TFAP2B: variants seen among roughly 807,000 people sequenced by gnomAD.
The protein encoded by TFAP2B is transcription factor AP-2 beta.
A neutral mutation model predicts 44.3 loss-of-function variants in TFAP2B; 9 were observed. The observed-to-expected ratio is 0.20, with a 90% CI of 0.12 to 0.35. The LOEUF (loss-of-function observed/expected upper bound fraction) is 0.35. TFAP2B is among the 10% of genes least tolerant of loss of function. The pLI is 1.00. For missense variants in TFAP2B, 509 were observed against 600.0 expected (o/e 0.85, Z 1.59); for synonymous variants, 270 against 263.8 (o/e 1.02, Z -0.23).
rs1053775895 is a variant in TFAP2B at position 50,845,574 on chromosome 6, C to T, written c.*2182C>T. 2.6e-5 allele frequency: 4 copies of T among 152,774 alleles called. No homozygotes were observed. Among genetic ancestry groups the T allele is most frequent in the African/African-American group, 9.6e-5 (4 of 41,474 alleles). The allele number at this position is 152,774 out of a possible 1,614,324, so 9.5% of individuals were successfully genotyped here. On this transcript the variant is annotated 3_prime_UTR_variant, in exon 7 of 7. Coordinates refer to ENST00000393655, the MANE Select transcript of TFAP2B (RefSeq NM_003221.4). ...AGCTAGACGTTACGGAGAGTGTAGT[C>T]ACTCTCTTTTCCCAGCTCAGAGGCC...
At chr6:50,821,072 A>G (rs1770330659) in intron 1 of TFAP2B, among the ~76,000 whole-genome samples, 1 of 152,226 alleles carries the variant, frequency 6.6e-6, no homozygotes, top group Non-Finnish European at 1.5e-5. Flanking sequence ...ACTAAGGTTG[A>G]ACTTTAACAG....
chr6:50,842,382 G>A (rs1001039192), intron 6 of TFAP2B, among the ~76,000 whole-genome samples: 4 of 152,160 alleles, frequency 2.6e-5, no homozygotes, highest in African/African-American at 9.7e-5. Flanking sequence ...ATCCTCCCTA[G>A]TGTCTTAACA....
chr6:50,830,154 C>CT, intron 3 of TFAP2B: 1 of 258,454 alleles, frequency 3.9e-6, no homozygotes, highest in Non-Finnish European at 6.0e-6. Flanking sequence ...TCTCCATTGG[C>CT]TTTTTTCAGT....
At chr6:50,819,597 C>T (rs2857527) in intron 1 of TFAP2B, among the ~76,000 whole-genome samples, 6,819 of 152,300 alleles carry the variant, frequency 0.045, 488 homozygotes, top group African/African-American at 0.15. Flanking sequence ...ATCGCAGCCG[C>T]CTCCTGTGTG....
intron 1 of TFAP2B, among the ~76,000 whole-genome samples, chr6:50,819,844 G>A (rs1199691850): frequency 0.011 from 1,306 of 114,212 alleles, 14 homozygotes; most frequent in African/African-American, 0.041. Context: ...GCCGAGGCGG[G>A]CGAGGTGGGA....
chr6:50,822,185 A>C, intron 1 of TFAP2B: 1 of 1,302,198 alleles, frequency 7.7e-7, no homozygotes, highest in Non-Finnish European at 1.0e-6. Context: ...ACGTGTTACC[A>C]GAATTGCATG....
At position 50,823,837 on chromosome 6, in the gene TFAP2B, T is replaced by C. The variant is rs1770429371; in HGVS notation, c.512T>C (p.Leu171Pro). Residue 171 changes from leucine to proline, a missense_variant, in exon 2 of 7, where the codon CTC becomes CCC. This residue lies in a region of TFAP2B where 296 missense variants were observed against 308.2 expected (regional missense o/e 0.96). Transcript: ENST00000393655. ...GMGDSLSLHG[L>P]GHPGMEDVQS... ...GGTGACAGCCTCTCGCTGCACGGCC[T>C]CGGCCATCCCGGAATGGAAGACGTC... 4 of 1,562,104 alleles carry C rather than the reference T, an allele frequency of 2.6e-6. No homozygotes were observed. The highest frequency in any genetic ancestry group is 3.5e-6 in the Non-Finnish European group (4 of 1,154,424).
chr6:50,822,432 T>G (rs1222483034), intron 1 of TFAP2B, among the ~76,000 whole-genome samples: 1 of 152,112 alleles, frequency 6.6e-6, no homozygotes, highest in East Asian at 1.9e-4. Flanking sequence ...TGTTTGGAAA[T>G]TTAGGTGACT....
intron 3 of TFAP2B, among the ~76,000 whole-genome samples, chr6:50,834,572 A>G (rs1281566289): frequency 5.9e-5 from 9 of 152,238 alleles, no homozygotes; most frequent in South Asian, 4.1e-4. Context: ...CTAAACAACT[A>G]TGGAGGTTTG....
rs139093149 is a variant in TFAP2B, at chr6:50,836,518, G to A, written c.821+238G>A. Among the ~76,000 whole-genome samples the A allele has an allele frequency of 5.2e-3, 786 of 152,262 alleles. 5 individuals carry two copies. Among genetic ancestry groups the A allele is most frequent in the South Asian group, 0.012 (58 of 4,826 alleles). On this transcript the variant is annotated intron_variant, in intron 4 of 6. Coordinates refer to ENST00000393655, the MANE Select transcript of TFAP2B (RefSeq NM_003221.4). ...TTGCATCCAGGCCTGCCCGCGCCGC[G>A]CAAGTCCTACCGCAGATTTTGCCGC...
chr6:50,822,407 T>A (rs1770378738), intron 1 of TFAP2B, among the ~76,000 whole-genome samples: 1 of 152,186 alleles, frequency 6.6e-6, no homozygotes, highest in Non-Finnish European at 1.5e-5. Context: ...AGAAAAACTT[T>A]TTATTTGCCA....
chr6:50,824,459 G>T lies in TFAP2B; in HGVS notation c.540+594G>T, dbSNP rs183380760. ...TAAGCCACAGAGCTTTTTTCCAAGA[G>T]ATAGTTGCAGTCCTCATCTGAGAAA... On this transcript the variant is annotated intron_variant, in intron 2 of 6. Coordinates refer to ENST00000393655, the MANE Select transcript of TFAP2B (RefSeq NM_003221.4). Among the ~76,000 whole-genome samples, 4 of 152,348 alleles carry T rather than the reference G, an allele frequency of 2.6e-5. No individual in the cohort carries two copies. In the East Asian group the frequency reaches 7.7e-4, roughly 29 times the overall value.
In TFAP2B at chr6:50,843,508, T is replaced by G; in HGVS notation, c.*116T>G. The G allele has an allele frequency of 1.9e-6, 2 of 1,065,144 alleles. No homozygotes were observed. Among genetic ancestry groups the G allele is most frequent in the South Asian group, 1.7e-5 (1 of 60,134 alleles). 66.0% of individuals were successfully genotyped at this position (1,065,144 alleles called of 1,614,324 possible). A position where few individuals can be genotyped will look rare whatever the true frequency, so the allele number is the denominator to read the frequency against. On this transcript the variant is annotated 3_prime_UTR_variant, in exon 7 of 7. Transcript: ENST00000393655. ...TTTGGAAGAATTATATTAGGTAGAA[T>G]ACACATACAATCAAAATTTTAAAAA... is the stretch of plus-strand genomic sequence containing the variant.
Position 50,834,623 on chromosome 6 carries a change from A to T in TFAP2B, c.602-1438A>T, listed in dbSNP as rs528712354. Among the ~76,000 whole-genome samples, 4 of 152,346 alleles carry T rather than the reference A, an allele frequency of 2.6e-5. No individual in the cohort carries two copies. In the South Asian group the frequency reaches 8.3e-4, roughly 32 times the overall value. ...GGTAGAGAGAATAAACTGTTAGAGA[A>T]ATACACAGTATTGGTTAGTCTGTTC... On this transcript the variant is annotated intron_variant, in intron 3 of 6. Coordinates refer to ENST00000393655, the MANE Select transcript of TFAP2B (RefSeq NM_003221.4).
At position 50,836,134 on chromosome 6, in the gene TFAP2B, C is replaced by A; in HGVS notation, c.675C>A (p.Asn225Lys). The A allele has an allele frequency of 6.2e-7, 1 of 1,614,172 alleles. No homozygotes were observed. The highest frequency in any genetic ancestry group is 8.5e-7 in the Non-Finnish European group (1 of 1,180,046). ...GCTTCCTGGGAGGCATGTCTGTCAACACCGGCGAGGTGTTTTGCTCCGTCC... is the reference window on the plus strand; with the variant it reads ...GCTTCCTGGGAGGCATGTCTGTCAAAACCGGCGAGGTGTTTTGCTCCGTCC... ...KDGFLGGMSV[N>K]TGEVFCSVPG... The change falls in exon 4 of 7, where the codon AAC becomes AAA. Residue 225 changes from asparagine (N) to lysine (K), a missense_variant. Physicochemically the swap from Asn to Lys is moderately conservative, Grantham distance 94 (BLOSUM62 0). This residue lies in a region of TFAP2B where 296 missense variants were observed against 308.2 expected (regional missense o/e 0.96). Coordinates refer to ENST00000393655, the MANE Select transcript of TFAP2B (RefSeq NM_003221.4).
At chr6:50,832,240 T>G (rs1012053054) in intron 3 of TFAP2B, among the ~76,000 whole-genome samples, 1 of 152,142 alleles carries the variant, frequency 6.6e-6, no homozygotes, top group Non-Finnish European at 1.5e-5. Flanking sequence ...GTCAGGTAGG[T>G]TAGACATTCT....
intron 1 of TFAP2B, among the ~76,000 whole-genome samples, chr6:50,820,233 C>T (rs2113923323): frequency 6.6e-6 from 1 of 152,320 alleles, no homozygotes; most frequent in South Asian, 2.1e-4. Flanking sequence ...CCGAGAAAGA[C>T]ACGCGACCCC....
intron 6 of TFAP2B, among the ~76,000 whole-genome samples, chr6:50,842,480 C>A (rs2113959324): frequency 6.6e-6 from 1 of 152,324 alleles, no homozygotes; most frequent in South Asian, 2.1e-4. Flanking sequence ...GTGCCCTACA[C>A]TTGGAAGAAA....
intron 1 of TFAP2B, among the ~76,000 whole-genome samples, chr6:50,820,317 C>A (rs534943764): frequency 6.6e-6 from 1 of 152,354 alleles, no homozygotes; most frequent in South Asian, 2.1e-4. Flanking sequence ...GACTCACAGG[C>A]GCGGCCGGCA....
Sources: allele counts gnomAD v4.1 joint callset (sites outside exome capture counted in the v4.1 genomes callset), GRCh38; gene constraint gnomAD v4.1.1; regional missense constraint gnomAD v4.1.1; transcripts MANE v1.5; gene names NCBI Gene and HGNC (gene_info 2026-07-23, HGNC 2026-07-21).